The following SPINK5 variants were observed in gnomAD, a reference collection of about 807,000 sequenced individuals.
SPINK5 encodes serine peptidase inhibitor Kazal type 5, also known as serine protease inhibitor Kazal-type 5.
Under a neutral mutation model 151.8 loss-of-function variants are expected in SPINK5, and 125 were observed. That is an observed-to-expected ratio of 0.82 (90% confidence interval 0.71 to 0.96). The LOEUF (loss-of-function observed/expected upper bound fraction) is 0.96, where lower values mean the gene tolerates loss of function less well. Ranked by LOEUF, SPINK5 falls within the 40% of genes least tolerant of loss-of-function variation. The pLI is 0.00. For synonymous variants in SPINK5, 374 were observed against 395.3 expected (o/e 0.95, Z 0.64); for missense variants, 1,194 against 1,291.9 (o/e 0.92, Z 1.16).
At chr5:148,126,414 C>G (rs1754432205) in intron 29 of SPINK5, among the ~76,000 whole-genome samples, 1 of 152,044 alleles carries the variant, frequency 6.6e-6, no homozygotes, top group Non-Finnish European at 1.5e-5. Context: ...GGGGGAATTA[C>G]CAAATACTAC....
At chr5:148,088,874 C>T (rs1753231687) in intron 6 of SPINK5, 1 of 477,272 alleles carries the variant, frequency 2.1e-6, no homozygotes, top group Admixed American at 3.3e-5. Flanking sequence ...AAGGAAACTA[C>T]ATGTGTAGTA....
chr5:148,066,966 A>G (rs975956958), intron 2 of SPINK5, among the ~76,000 whole-genome samples: 1 of 152,206 alleles, frequency 6.6e-6, no homozygotes, highest in Non-Finnish European at 1.5e-5. Flanking sequence ...AATGAAAACT[A>G]TTGATGTAGT....
intron 2 of SPINK5, 67 bp from the exon 3 acceptor site, chr5:148,070,256 T>C: frequency 1.3e-6 from 2 of 1,551,964 alleles, no homozygotes; most frequent in Non-Finnish European, 1.8e-6. Context: ...TATCTACATA[T>C]ATATATCAAA....
intron 6 of SPINK5, 67 bp downstream of exon 6, chr5:148,088,672 T>A (rs998185502): frequency 2.6e-5 from 37 of 1,449,580 alleles, no homozygotes; most frequent in Non-Finnish European, 3.6e-5. Flanking sequence ...GTAGGTGCTC[T>A]CCTCTTCCTT....
At chr5:148,091,460 C>G (rs1370700384) in intron 8 of SPINK5, among the ~76,000 whole-genome samples, 1 of 151,740 alleles carries the variant, frequency 6.6e-6, no homozygotes, top group Admixed American at 6.6e-5. Flanking sequence ...ACCTGTGTTT[C>G]TCCAGTCCTC....
chr5:148,104,864 C>T, intron 15 of SPINK5, 88 bp from the exon 16 acceptor site: 1 of 1,338,202 alleles, frequency 7.5e-7, no homozygotes, highest in South Asian at 1.3e-5. Flanking sequence ...CCACTGCACT[C>T]CAGCCTGGGT....
At chr5:148,088,422 C>A in intron 5 of SPINK5, 120 bp from the exon 6 acceptor site, 1 of 810,684 alleles carries the variant, frequency 1.2e-6, no homozygotes, top group Non-Finnish European at 2.1e-6. Flanking sequence ...TAAAATAATA[C>A]TATGTGGCAG....
Position 148,094,373 on chromosome 5 carries a change from A to G in SPINK5, c.686A>G (p.Glu229Gly). ...TCAAAGGATTTTTGCAAGGAATATG[A>G]AAAACAAGTGAGAAATGGAAGGCTT... is the stretch of plus-strand genomic sequence containing the variant. ...NAEKDFCKEYEKQVRNGRLFC... is the reference protein window; with the variant it reads ...NAEKDFCKEYGKQVRNGRLFC... The change falls in exon 9 of 33, where the codon GAA (glutamate) becomes GGA (glycine). Residue 229 changes from glutamate (E) to glycine (G), a missense_variant. By Grantham distance (98) the Glu-to-Gly change is moderately conservative. Transcript: ENST00000256084. The G allele has an allele frequency of 6.2e-7, 1 of 1,612,580 alleles. No individual in the cohort carries two copies. Among genetic ancestry groups the G allele is most frequent in the South Asian group, 1.1e-5 (1 of 91,078 alleles).
intron 6 of SPINK5, 122 bp downstream of exon 6, chr5:148,088,727 A>C: frequency 1.0e-6 from 1 of 966,938 alleles, no homozygotes; most frequent in East Asian, 2.6e-5. Context: ...CTTTATGTGA[A>C]ATGGAATACC....
intron 26 of SPINK5, among the ~76,000 whole-genome samples, chr5:148,122,966 A>C (rs1754311684): frequency 6.9e-6 from 1 of 144,908 alleles, no homozygotes; most frequent in Admixed American, 7.3e-5. Flanking sequence ...AGTTCATTCC[A>C]GGGCTTTTGA....
At chr5:148,068,821 C>G (rs1488976084) in intron 2 of SPINK5, among the ~76,000 whole-genome samples, 1 of 152,074 alleles carries the variant, frequency 6.6e-6, no homozygotes, top group Non-Finnish European at 1.5e-5. Flanking sequence ...TGAATTTTCA[C>G]TGGGTACAGT....
chr5:148,118,933 ATCCAGGG>A lies in SPINK5; in HGVS notation c.2241-50_2241-44del. The A allele has an allele frequency of 3.2e-6, 5 of 1,577,194 alleles. No homozygotes were observed. In the South Asian group the frequency reaches 4.4e-5, roughly 14 times the overall value. ...TTGCACGGGACACACTTAGTGCATAATCCAGGGTCAATATTTGTTAACAAGATGAATA... is the reference window on the plus strand; with the variant it reads ...TTGCACGGGACACACTTAGTGCATAATCAATATTTGTTAACAAGATGAATA... On this transcript the variant is annotated intron_variant, in intron 23 of 32. Coordinates refer to ENST00000256084, the MANE Select transcript of SPINK5 (RefSeq NM_006846.4).
chr5:148,090,907 A>G (rs1324078349), intron 7 of SPINK5: 1 of 486,974 alleles, frequency 2.1e-6, no homozygotes, highest in Non-Finnish European at 3.7e-6. Context: ...AGTCAGTTTC[A>G]CACCCTTTCT....
At chr5:148,121,838 C>A (rs1754274950) in intron 26 of SPINK5, among the ~76,000 whole-genome samples, 1 of 151,480 alleles carries the variant, frequency 6.6e-6, no homozygotes, top group Admixed American at 6.6e-5. Flanking sequence ...CATGATGGTG[C>A]ACACCTGTAA....
At chr5:148,101,727 CA>C in intron 14 of SPINK5, 53 bp from the exon 15 acceptor site, 2 of 1,612,600 alleles carry the variant, frequency 1.2e-6, no homozygotes, top group East Asian at 2.2e-5. Context: ...GCTATTTTTG[CA>C]ATCTGATTCA....
intron 4 of SPINK5, among the ~76,000 whole-genome samples, chr5:148,080,295 T>C (rs2113024048): frequency 6.6e-6 from 1 of 151,418 alleles, no homozygotes; most frequent in African/African-American, 2.4e-5. Context: ...CTCAATATTG[T>C]TGAGATGGCA....
chr5:148,111,485 T>C (rs1035500217), intron 18 of SPINK5, among the ~76,000 whole-genome samples: 1 of 152,206 alleles, frequency 6.6e-6, no homozygotes, highest in African/African-American at 2.4e-5. Context: ...CACAGATTCC[T>C]TTACCAATTT....
At chr5:148,080,717 T>A (rs1752997349) in intron 4 of SPINK5, among the ~76,000 whole-genome samples, 1 of 151,296 alleles carries the variant, frequency 6.6e-6, no homozygotes, top group Admixed American at 6.6e-5. Context: ...AGGAAAAAAA[T>A]TCATGAACTT....
At chr5:148,114,512 T>C in intron 21 of SPINK5, 23 bp downstream of exon 21, 1 of 1,612,344 alleles carries the variant, frequency 6.2e-7, no homozygotes, top group Non-Finnish European at 8.5e-7. Context: ...AGAAAACCAC[T>C]ACTGTGGGAT....
Sources: gnomAD v4.1 joint callset for allele counts (sites outside exome capture counted in the v4.1 genomes callset) on GRCh38, gnomAD v4.1.1 for gene constraint, MANE v1.5 for transcripts, NCBI Gene and HGNC (gene_info 2026-07-23, HGNC 2026-07-21) for gene names.